Variants in STXBP6 observed in about 807,000 individuals in gnomAD.
The protein encoded by STXBP6 is syntaxin-binding protein 6.
A neutral mutation model predicts 26.9 loss-of-function variants in STXBP6; 21 were observed. The observed-to-expected ratio is 0.78, with a 90% CI of 0.55 to 1.12. STXBP6 has a LOEUF of 1.12. Among genes scored for constraint, STXBP6 ranks in the 50% most tolerant of loss-of-function variants. STXBP6 has a pLI of 0.00. For synonymous variants in STXBP6, 97 were observed against 92.6 expected, an observed-to-expected ratio of 1.05 and a Z score of -0.27; for missense variants, 232 against 257.9, an observed-to-expected ratio of 0.90 and a Z score of 0.69.
chr14:24,837,501 A>G (rs1427189003), intron 4 of STXBP6, among the ~76,000 whole-genome samples: 1 of 152,170 alleles, frequency 6.6e-6, no homozygotes, highest in Non-Finnish European at 1.5e-5. Context: ...AGGAAAAAAA[A>G]TAGCCAGCAA....
At chr14:24,868,137 T>C (rs1396091187) in intron 2 of STXBP6, among the ~76,000 whole-genome samples, 1 of 152,144 alleles carries the variant, frequency 6.6e-6, no homozygotes, top group African/African-American at 2.4e-5. Context: ...AGGCAGAAGT[T>C]GCAGTGAGCT....
At chr14:25,009,294 A>G (rs1257862124) in intron 1 of STXBP6, among the ~76,000 whole-genome samples, 1 of 152,212 alleles carries the variant, frequency 6.6e-6, no homozygotes. Flanking sequence ...CTAAACATAC[A>G]GCTTTGAAGC....
intron 2 of STXBP6, among the ~76,000 whole-genome samples, chr14:24,953,395 T>C (rs535449279): frequency 4.5e-4 from 69 of 152,300 alleles, no homozygotes; most frequent in Non-Finnish European, 6.8e-4. Context: ...TCAGCCTCCC[T>C]CAACATCACT....
At position 25,026,809 on chromosome 14, in the gene STXBP6, A is replaced by G. The variant is rs535380444; in HGVS notation, c.-33+23069T>C. ...AAAGTATTCTGAGAAAAAGAGGTTC[A>G]GAGGCACATAAAAATGGCCATCATC... On this transcript the variant is annotated intron_variant, in intron 1 of 5. Transcript: ENST00000323944. Among the ~76,000 whole-genome samples the G allele has an allele frequency of 2.0e-5, 3 of 152,350 alleles. No homozygotes were observed. In the South Asian group the frequency reaches 6.2e-4, roughly 32 times the overall value.
At chr14:24,822,874 C>T (rs559566793) in intron 4 of STXBP6, among the ~76,000 whole-genome samples, 15 of 152,174 alleles carry the variant, frequency 9.9e-5, no homozygotes, top group Admixed American at 2.6e-4. Context: ...GAGTTTCACA[C>T]GTATTTATTA....
In STXBP6 at chr14:24,937,817, C is replaced by A. The variant is rs111481519; in HGVS notation, c.154+36848G>T. Among the ~76,000 whole-genome samples the A allele has an allele frequency of 4.4e-3, 672 of 152,174 alleles. 6 individuals carry two copies. The highest frequency in any genetic ancestry group is 0.015 in the African/African-American group (612 of 41,498). On this transcript the variant is annotated intron_variant, in intron 2 of 5. Coordinates refer to ENST00000323944, the MANE Select transcript of STXBP6 (RefSeq NM_001394410.1). The stretch of plus-strand genomic sequence containing the variant: ...TGTCCATGTGCATGCAGGGATGCAG[C>A]CATTTGGCTGAGATTTAAAAAAAAA...
At chr14:24,847,455 T>A (rs927053620) in intron 4 of STXBP6, among the ~76,000 whole-genome samples, 4 of 152,324 alleles carry the variant, frequency 2.6e-5, no homozygotes, top group African/African-American at 9.6e-5. Context: ...GAAATTATGA[T>A]GACAGTAGAT....
At chr14:24,998,568 C>T (rs750550467) in intron 1 of STXBP6, among the ~76,000 whole-genome samples, 48 of 152,132 alleles carry the variant, frequency 3.2e-4, no homozygotes, top group Non-Finnish European at 6.2e-4. Flanking sequence ...GAGAGCATGA[C>T]CTCTTGTGTA....
intron 2 of STXBP6, among the ~76,000 whole-genome samples, chr14:24,966,175 T>C (rs940823657): frequency 1.3e-5 from 2 of 152,172 alleles, no homozygotes; most frequent in Non-Finnish European, 2.9e-5. Flanking sequence ...GTTAAGAGTT[T>C]TCCCTTGTTT....
intron 4 of STXBP6, among the ~76,000 whole-genome samples, chr14:24,829,984 A>C (rs1017662738): frequency 6.6e-6 from 1 of 152,204 alleles, no homozygotes; most frequent in Non-Finnish European, 1.5e-5. Flanking sequence ...GGACTGACTT[A>C]GAATCAGTTT....
At chr14:24,824,879 A>G (rs2138821703) in intron 4 of STXBP6, among the ~76,000 whole-genome samples, 1 of 152,342 alleles carries the variant, frequency 6.6e-6, no homozygotes, top group South Asian at 2.1e-4. Context: ...GTTACAGTTA[A>G]GGAAACACAT....
At chr14:24,952,521 C>G (rs1237177592) in intron 2 of STXBP6, among the ~76,000 whole-genome samples, 2 of 152,094 alleles carry the variant, frequency 1.3e-5, no homozygotes, top group Non-Finnish European at 2.9e-5. Context: ...CTAGATAAAA[C>G]TAAATTTTTG....
chr14:25,003,374 GA>G (rs1422244806), intron 1 of STXBP6, among the ~76,000 whole-genome samples: 2 of 152,112 alleles, frequency 1.3e-5, no homozygotes, highest in East Asian at 3.9e-4. Context: ...CGTCATTATT[GA>G]AATGTGCTTT....
At chr14:24,991,633 T>A (rs1209285326) in intron 1 of STXBP6, among the ~76,000 whole-genome samples, 2 of 152,356 alleles carry the variant, frequency 1.3e-5, no homozygotes, top group South Asian at 4.1e-4. Context: ...AGATGACTTT[T>A]GTCTTTTACA....
At chr14:24,877,004 T>C (rs1423197442) in intron 2 of STXBP6, among the ~76,000 whole-genome samples, 1 of 152,236 alleles carries the variant, frequency 6.6e-6, no homozygotes, top group Non-Finnish European at 1.5e-5. Flanking sequence ...CTCATAAAAC[T>C]CTACTTTGAA....
chr14:24,996,666 A>C (rs761078286), intron 1 of STXBP6, among the ~76,000 whole-genome samples: 2 of 151,928 alleles, frequency 1.3e-5, no homozygotes, highest in Non-Finnish European at 2.9e-5. Flanking sequence ...AGCCTGACCA[A>C]CATGGAGAAA....
chr14:25,040,591 AAAAATTT>A, intron 1 of STXBP6, among the ~76,000 whole-genome samples: 1 of 152,244 alleles, frequency 6.6e-6, no homozygotes, highest in Non-Finnish European at 1.5e-5. Context: ...AGTATTAAAT[AAAAATTT>A]ATTATTTTTA....
intron 2 of STXBP6, among the ~76,000 whole-genome samples, chr14:24,882,191 A>G (rs2070384048): frequency 6.6e-6 from 1 of 150,898 alleles, no homozygotes; most frequent in Admixed American, 6.6e-5. Context: ...CATCCCGGCT[A>G]AAACGGTGAA....
At chr14:24,941,368 G>T (rs1003570128) in intron 2 of STXBP6, among the ~76,000 whole-genome samples, 2 of 152,224 alleles carry the variant, frequency 1.3e-5, no homozygotes, top group African/African-American at 4.8e-5. Flanking sequence ...AGGCCTCTGT[G>T]AGAAAGAACA....
Sources: allele counts gnomAD v4.1 joint callset (sites outside exome capture counted in the v4.1 genomes callset), GRCh38; gene constraint gnomAD v4.1.1; transcripts MANE v1.5; gene names NCBI Gene and HGNC (gene_info 2026-07-23, HGNC 2026-07-21).